Variants in LRCH3 observed in about 807,000 individuals in gnomAD.
The protein encoded by LRCH3 is DISP complex protein LRCH3.
A neutral mutation model predicts 104.5 loss-of-function variants in LRCH3; 68 were observed. The observed-to-expected ratio is 0.65, with a 90% CI of 0.54 to 0.80. The LOEUF (loss-of-function observed/expected upper bound fraction) is 0.80, where lower values mean the gene tolerates loss of function less well. Among genes scored for constraint, LRCH3 ranks in the 30% least tolerant of loss-of-function variants. The pLI, the probability that LRCH3 is intolerant of heterozygous loss-of-function variation, is 0.00. For missense variants in LRCH3, 951 were observed against 953.9 expected, an observed-to-expected ratio of 1.00 and a Z score of 0.04; for synonymous variants, 344 against 361.3, an observed-to-expected ratio of 0.95 and a Z score of 0.54.
intron 9 of LRCH3, among the ~76,000 whole-genome samples, chr3:197,836,870 G>T (rs865930176): frequency 5.5e-4 from 83 of 152,116 alleles, no homozygotes; most frequent in African/African-American, 1.7e-3. Context: ...TAGAGACGGG[G>T]TTTCACCATG....
intron 2 of LRCH3, among the ~76,000 whole-genome samples, chr3:197,815,776 T>C (rs1190987955): frequency 1.3e-5 from 2 of 152,222 alleles, no homozygotes; most frequent in African/African-American, 4.8e-5. Context: ...AAAATAACTC[T>C]TGTTGTTTTA....
chr3:197,814,821 ATT>A, intron 1 of LRCH3, 85 bp from the exon 2 acceptor site: 2 of 1,165,804 alleles, frequency 1.7e-6, no homozygotes, highest in Non-Finnish European at 2.4e-6. Context: ...TAATAGTTTT[ATT>A]TTTTAGTTTA....
At chr3:197,843,708 G>GAA (rs1738169393) in intron 10 of LRCH3, among the ~76,000 whole-genome samples, 1 of 152,098 alleles carries the variant, frequency 6.6e-6, no homozygotes, top group South Asian at 2.1e-4. Context: ...CTGCCTTATA[G>GAA]AGATAAAAGT....
chr3:197,804,082 A>AC (rs1732201115), intron 1 of LRCH3, among the ~76,000 whole-genome samples: 1 of 152,104 alleles, frequency 6.6e-6, no homozygotes, highest in African/African-American at 2.4e-5. Context: ...ACATGGTGAA[A>AC]CCCCATCTCT....
At position 197,882,795 on chromosome 3, in the gene LRCH3, T is replaced by C. The variant is rs959388598; in HGVS notation, c.2209-746T>C. The C allele has an allele frequency of 4.2e-5, 41 of 985,412 alleles. 1 individual carries two copies. In the Admixed American group the frequency reaches 7.4e-4, roughly 18 times the overall value. The allele number at this position is 985,412 out of a possible 1,614,324, so 61.0% of individuals were successfully genotyped here. Reference sequence around the variant, plus strand: ...AAACAGTGTCAACACTTCTCACATGTTGGTAATCAACATGTTCCTGCCTAA... The same window carrying C: ...AAACAGTGTCAACACTTCTCACATGCTGGTAATCAACATGTTCCTGCCTAA... On this transcript the variant is annotated intron_variant, in intron 20 of 20. Coordinates refer to ENST00000425562, the MANE Select transcript of LRCH3 (RefSeq NM_001365715.1).
intron 12 of LRCH3, chr3:197,850,790 T>C (rs985215142): frequency 4.0e-6 from 5 of 1,235,032 alleles, no homozygotes; most frequent in Non-Finnish European, 6.0e-6. Flanking sequence ...GTACACGCTG[T>C]TTCTGTAAAG....
intron 1 of LRCH3, among the ~76,000 whole-genome samples, chr3:197,800,222 T>A (rs1255554867): frequency 6.6e-6 from 1 of 152,038 alleles, no homozygotes; most frequent in Non-Finnish European, 1.5e-5. Context: ...CCCCACAGTT[T>A]TTTAAAAATG....
intron 17 of LRCH3, among the ~76,000 whole-genome samples, chr3:197,867,368 A>G (rs1360327688): frequency 1.3e-5 from 2 of 151,524 alleles, no homozygotes; most frequent in Non-Finnish European, 2.9e-5. Flanking sequence ...GTGAGCTGAG[A>G]TTGCGCCACT....
chr3:197,837,978 T>A (rs1365390836), intron 9 of LRCH3, among the ~76,000 whole-genome samples: 1 of 152,032 alleles, frequency 6.6e-6, no homozygotes, highest in Non-Finnish European at 1.5e-5. Flanking sequence ...GAGAGTCACT[T>A]GAACCTGGGC....
At chr3:197,881,098 G>A (rs750347413) in intron 20 of LRCH3, 15 of 1,063,322 alleles carry the variant, frequency 1.4e-5, no homozygotes, top group Non-Finnish European at 1.6e-5. Flanking sequence ...CCATTTTTCC[G>A]TGCCTCAGCA....
chr3:197,883,534 C>T lies in LRCH3; in HGVS notation c.2209-7C>T. 1 of 1,534,078 alleles carries T rather than the reference C, an allele frequency of 6.5e-7. No individual in the cohort carries two copies. On this transcript the variant is annotated splice_polypyrimidine_tract_variant and splice_region_variant and intron_variant, in intron 20 of 20. Coordinates refer to ENST00000425562, the MANE Select transcript of LRCH3 (RefSeq NM_001365715.1). This position sits in a 1 kb window ranked among gnomAD's most constrained non-coding sequence, Gnocchi z 4.2. ...TGTTTGTTTTCATGTTACGTTGTCCCTTTCAGGAGCAATTATGTTTGCCTC... is the reference window on the plus strand; with the variant it reads ...TGTTTGTTTTCATGTTACGTTGTCCTTTTCAGGAGCAATTATGTTTGCCTC...
At chr3:197,848,156 G>T in intron 12 of LRCH3, 135 bp downstream of exon 12, 2 of 780,056 alleles carry the variant, frequency 2.6e-6, no homozygotes, top group Non-Finnish European at 4.1e-6. Context: ...ACTAAATAGA[G>T]TGTCTCTTTT....
At chr3:197,858,307 AG>A (rs1740509146) in intron 14 of LRCH3, among the ~76,000 whole-genome samples, 1 of 152,198 alleles carries the variant, frequency 6.6e-6, no homozygotes, top group Non-Finnish European at 1.5e-5. Flanking sequence ...TTCGAAGAAA[AG>A]GGAAATTCCA....
chr3:197,871,291 C>T, intron 18 of LRCH3, 34 bp from the exon 19 acceptor site: 1 of 1,528,844 alleles, frequency 6.5e-7, no homozygotes, highest in Non-Finnish European at 9.0e-7. Context: ...AGTCTTTCTT[C>T]AATTAATCTA....
chr3:197,832,649 T>C (rs1459963134), intron 8 of LRCH3, among the ~76,000 whole-genome samples: 1 of 152,022 alleles, frequency 6.6e-6, no homozygotes, highest in East Asian at 1.9e-4. Flanking sequence ...AGATTCTTGC[T>C]GTGGTCATTA....
chr3:197,830,955 C>A, intron 7 of LRCH3, 92 bp downstream of exon 7: 1 of 1,110,996 alleles, frequency 9.0e-7, no homozygotes, highest in Non-Finnish European at 1.4e-6. Context: ...GATTCAGTTT[C>A]TCACTACATA....
intron 4 of LRCH3, among the ~76,000 whole-genome samples, chr3:197,821,473 A>C (rs749986286): frequency 2.6e-5 from 4 of 152,232 alleles, no homozygotes; most frequent in Non-Finnish European, 5.9e-5. Context: ...ATCACCCAGC[A>C]GTAAGAGTCA....
intron 1 of LRCH3, among the ~76,000 whole-genome samples, chr3:197,813,750 C>T (rs1291173618): frequency 6.6e-6 from 1 of 151,784 alleles, no homozygotes; most frequent in African/African-American, 2.4e-5. Context: ...AGGCTGGTCT[C>T]AAACTCCTGA....
At chr3:197,845,206 C>T (rs1190639849) in intron 10 of LRCH3, among the ~76,000 whole-genome samples, 2 of 151,828 alleles carry the variant, frequency 1.3e-5, no homozygotes, top group Non-Finnish European at 2.9e-5. Flanking sequence ...CCCAGGAGTT[C>T]AAGACCAGCC....
Sources: allele counts gnomAD v4.1 joint callset (sites outside exome capture counted in the v4.1 genomes callset), GRCh38; gene constraint gnomAD v4.1.1; non-coding constraint Gnocchi (gnomAD v3.1); transcripts MANE v1.5; gene names NCBI Gene and HGNC (gene_info 2026-07-23, HGNC 2026-07-21).